The following MINDY4 variants were observed in gnomAD, a reference collection of about 807,000 sequenced individuals.
MINDY4 encodes probable ubiquitin carboxyl-terminal hydrolase MINDY-4.
A neutral mutation model predicts 87.0 loss-of-function variants in MINDY4; 68 were observed. That is an observed-to-expected ratio of 0.78 (90% CI 0.64 to 0.96). The LOEUF is 0.96. MINDY4 is among the 40% of genes least tolerant of loss of function. MINDY4 has a pLI of 0.00. For missense variants in MINDY4, 919 were observed against 928.2 expected (o/e 0.99, Z 0.13); for synonymous variants, 379 against 363.2 (o/e 1.04, Z -0.50).
At chr7:30,817,546 G>T (rs531139007) in intron 5 of MINDY4, among the ~76,000 whole-genome samples, 21 of 152,268 alleles carry the variant, frequency 1.4e-4, no homozygotes, top group Middle Eastern at 3.4e-3. Context: ...AGCGAGGAAG[G>T]AGTACAGCAC....
chr7:30,834,492 G>A (rs1233451262), intron 6 of MINDY4, among the ~76,000 whole-genome samples: 5 of 152,184 alleles, frequency 3.3e-5, no homozygotes, highest in African/African-American at 4.8e-5. Context: ...CTAGGCCTCC[G>A]GGTCTGTGAT....
chr7:30,808,745 A>G (rs1787892088), intron 5 of MINDY4, among the ~76,000 whole-genome samples: 1 of 152,184 alleles, frequency 6.6e-6, no homozygotes, highest in Admixed American at 6.5e-5. Flanking sequence ...GGTAACCTGT[A>G]AGCCAGGGCA....
At chr7:30,792,868 TATTCTCTCTGAGTTTA>T (rs1787366099) in intron 5 of MINDY4, among the ~76,000 whole-genome samples, 1 of 151,972 alleles carries the variant, frequency 6.6e-6, no homozygotes, top group South Asian at 2.1e-4. Context: ...TTCTTCATTC[TATTCTCTCTGAGTTTA>T]ATTTGCTATT....
intron 13 of MINDY4, among the ~76,000 whole-genome samples, chr7:30,865,814 T>C (rs1236492136): frequency 6.6e-6 from 1 of 152,232 alleles, no homozygotes; most frequent in Non-Finnish European, 1.5e-5. Flanking sequence ...CAGCATCACC[T>C]GAGGCTCCTG....
At chr7:30,831,500 G>T (rs1368495312) in intron 6 of MINDY4, among the ~76,000 whole-genome samples, 3 of 152,214 alleles carry the variant, frequency 2.0e-5, no homozygotes, top group Non-Finnish European at 4.4e-5. Context: ...AAAGGCAACA[G>T]GGGGGCAGGA....
intron 2 of MINDY4, among the ~76,000 whole-genome samples, chr7:30,779,302 C>T (rs571437296): frequency 3.3e-5 from 5 of 152,196 alleles, no homozygotes; most frequent in African/African-American, 1.2e-4. Context: ...AAGTGTTGTC[C>T]GATGGCATAG....
At chr7:30,800,599 A>G (rs7796100) in intron 5 of MINDY4, among the ~76,000 whole-genome samples, 53,805 of 152,070 alleles carry the variant, frequency 0.35, 9,884 homozygotes, top group South Asian at 0.42. Context: ...GTGGAAGTTC[A>G]GGGAGCAGTT....
rs375867200 is a variant in MINDY4 at position 30,836,626 on chromosome 7, G to A, written c.1133-32G>A. 3.4e-5 allele frequency: 53 copies of A among 1,553,676 alleles called. 2 individuals carry two copies. The highest frequency in any genetic ancestry group is 1.0e-4 in the South Asian group (9 of 89,556). On this transcript the variant is annotated intron_variant, in intron 6 of 17. Coordinates refer to ENST00000265299, the MANE Select transcript of MINDY4 (RefSeq NM_032222.3). ...TGTTCTGTTCTCCGTGAGTCATAACGAAGGGCTCACATGGCCATGGTTTTC... is the reference window on the plus strand; with the variant it reads ...TGTTCTGTTCTCCGTGAGTCATAACAAAGGGCTCACATGGCCATGGTTTTC...
chr7:30,861,268 T>G (rs535043836), intron 13 of MINDY4, among the ~76,000 whole-genome samples: 48 of 152,328 alleles, frequency 3.2e-4, no homozygotes, highest in African/African-American at 1.2e-3. Context: ...CGACAGTGTG[T>G]AGGCAGGTCT....
At chr7:30,877,437 T>C (rs1046074279) in intron 15 of MINDY4, among the ~76,000 whole-genome samples, 1 of 152,216 alleles carries the variant, frequency 6.6e-6, no homozygotes, top group Non-Finnish European at 1.5e-5. Context: ...CGTGGGCTTC[T>C]TGGATCCGCA....
At position 30,778,569 on chromosome 7, in the gene MINDY4, T is replaced by A; in HGVS notation, c.183+18T>A. 1 of 1,614,004 alleles carries A rather than the reference T, an allele frequency of 6.2e-7. No individual in the cohort carries two copies. The highest frequency in any genetic ancestry group is 1.1e-5 in the South Asian group (1 of 91,052). On this transcript the variant is annotated intron_variant, in intron 2 of 17. Coordinates refer to ENST00000265299, the MANE Select transcript of MINDY4 (RefSeq NM_032222.3). ...AGAACAAGGTATGTGCTTTCTAAGG[T>A]GTGGTGTGGAGTCTTGGAACTGAGT...
At chr7:30,853,306 C>T in intron 11 of MINDY4, 88 bp from the exon 12 acceptor site, 1 of 1,104,264 alleles carries the variant, frequency 9.1e-7, no homozygotes. Flanking sequence ...GATTTTGTAG[C>T]TACTAAAGCC....
chr7:30,885,576 G>A (rs1353730580), intron 17 of MINDY4, among the ~76,000 whole-genome samples: 2 of 152,090 alleles, frequency 1.3e-5, no homozygotes, highest in African/African-American at 4.8e-5. Context: ...CCACACCAAG[G>A]GTTTCTGAGC....
At position 30,785,801 on chromosome 7, in the gene MINDY4, C is replaced by A. The variant is rs1213217582; in HGVS notation, c.472C>A (p.Pro158Thr). ...VLGNFVSSKR[P>T]PHKSKPMQTV... The stretch of plus-strand genomic sequence containing the variant: ...TGGTAATTTTGTATCATCTAAAAGG[C>A]CCCCGCACAAAAGTAAGCCCATGCA... The change falls in exon 4 of 18, where the codon CCC becomes ACC. Residue 158 changes from proline (P) to threonine (T), a missense_variant. By Grantham distance (38) the Pro-to-Thr change is conservative (BLOSUM62 -1). Transcript: ENST00000265299. 6.2e-7 allele frequency: 1 copy of A among 1,614,126 alleles called. No homozygotes were observed. Among genetic ancestry groups the A allele is most frequent in the Admixed American group, 1.7e-5 (1 of 60,010 alleles).
intron 5 of MINDY4, among the ~76,000 whole-genome samples, chr7:30,828,169 G>T (rs1334614300): frequency 6.6e-6 from 1 of 152,132 alleles, no homozygotes; most frequent in Non-Finnish European, 1.5e-5. Context: ...GATACAGGAG[G>T]GTTCCTTTAA....
chr7:30,771,805 G>C (rs1316977742), intron 1 of MINDY4, among the ~76,000 whole-genome samples: 1 of 152,232 alleles, frequency 6.6e-6, no homozygotes, highest in African/African-American at 2.4e-5. Context: ...GCCCTCCTGG[G>C]GCATCCGCGC....
At position 30,891,949 on chromosome 7, in the gene MINDY4, A is replaced by T. The variant is rs772866410; in HGVS notation, c.2226-8A>T. 90 of 1,613,804 alleles carry T rather than the reference A, an allele frequency of 5.6e-5. No individual in the cohort carries two copies. Among genetic ancestry groups the T allele is most frequent in the Non-Finnish European group, 7.2e-5 (85 of 1,179,924 alleles). The stretch of plus-strand genomic sequence containing the variant: ...CTCTCTTTGTCTCTCTCCTCACTCT[A>T]CGCTTAGGTGGAAGGGGGCATCAGT... On this transcript the variant is annotated splice_region_variant and splice_polypyrimidine_tract_variant and intron_variant, in intron 17 of 17. Transcript: ENST00000265299.
chr7:30,889,366 G>C (rs1790727525), intron 17 of MINDY4, among the ~76,000 whole-genome samples: 1 of 152,130 alleles, frequency 6.6e-6, no homozygotes, highest in Admixed American at 6.5e-5. Context: ...TGCCTTCCCA[G>C]CCTGCTTACC....
intron 5 of MINDY4, among the ~76,000 whole-genome samples, chr7:30,793,313 T>C (rs1426001706): frequency 2.0e-5 from 3 of 151,752 alleles, no homozygotes; most frequent in Non-Finnish European, 4.4e-5. Context: ...GGAATAATTA[T>C]GGCATTTATA....
Sources: gnomAD v4.1 joint callset for allele counts (sites outside exome capture counted in the v4.1 genomes callset) on GRCh38, gnomAD v4.1.1 for gene constraint, MANE v1.5 for transcripts, NCBI Gene and HGNC (gene_info 2026-07-23, HGNC 2026-07-21) for gene names.